WDR7: variants seen among roughly 807,000 people sequenced by gnomAD.
The protein encoded by WDR7 is WD repeat-containing protein 7.
A neutral mutation model predicts 169.4 loss-of-function variants in WDR7; 46 were observed. The observed-to-expected ratio is 0.27, with a 90% CI of 0.21 to 0.35. The LOEUF (loss-of-function observed/expected upper bound fraction) is 0.35, where lower values mean the gene tolerates loss of function less well. Ranked by LOEUF, WDR7 falls within the 10% of genes least tolerant of loss-of-function variation. The pLI is 1.00. For missense variants in WDR7, 1,534 were observed against 1,859.3 expected, an observed-to-expected ratio of 0.83 and a Z score of 3.22; for synonymous variants, 612 against 666.8, an observed-to-expected ratio of 0.92 and a Z score of 1.27.
intron 21 of WDR7, among the ~76,000 whole-genome samples, chr18:56,885,390 A>G (rs1413770875): frequency 6.6e-6 from 1 of 152,098 alleles, no homozygotes; most frequent in Non-Finnish European, 1.5e-5. Flanking sequence ...AAAAAATTAT[A>G]TAAGATATGA....
chr18:56,790,418 T>G (rs563001053), intron 19 of WDR7, among the ~76,000 whole-genome samples: 9 of 152,312 alleles, frequency 5.9e-5, no homozygotes, highest in African/African-American at 1.9e-4. Flanking sequence ...CTTGTTTTTT[T>G]GTTTGGCCTT....
intron 25 of WDR7, among the ~76,000 whole-genome samples, chr18:56,951,419 T>A (rs1417504773): frequency 6.6e-6 from 1 of 152,136 alleles, no homozygotes; most frequent in Non-Finnish European, 1.5e-5. Flanking sequence ...CTTTGTTACC[T>A]TGGCTTTCCC....
At chr18:56,926,078 A>G (rs546670402) in intron 22 of WDR7, among the ~76,000 whole-genome samples, 1 of 152,332 alleles carries the variant, frequency 6.6e-6, no homozygotes, top group East Asian at 1.9e-4. Context: ...TATTCAGCAG[A>G]TCAAGAGCTG....
chr18:57,022,869 C>T (rs933155355), intron 27 of WDR7, among the ~76,000 whole-genome samples: 2 of 152,228 alleles, frequency 1.3e-5, no homozygotes, highest in African/African-American at 4.8e-5. Flanking sequence ...TTGCCAAGCG[C>T]ACTCACATCT....
At chr18:56,788,937 G>C (rs2044443827) in intron 19 of WDR7, among the ~76,000 whole-genome samples, 1 of 152,164 alleles carries the variant, frequency 6.6e-6, no homozygotes. Context: ...GTTTGTCTAA[G>C]ACAAACTATA....
intron 20 of WDR7, among the ~76,000 whole-genome samples, chr18:56,840,463 C>T (rs377738388): frequency 8.5e-5 from 13 of 152,110 alleles, no homozygotes; most frequent in South Asian, 8.3e-4. Flanking sequence ...TAATATCAAA[C>T]TAAGTACTTA....
Position 56,879,929 on chromosome 18 carries a change from T to C in WDR7, c.3305-15T>C, listed in dbSNP as rs755869153. ...TGATTTGTTCTAAGTTGAGATTCTA[T>C]GTTTTGGTCTTCAGGTTGCTTATCA... is the stretch of plus-strand genomic sequence containing the variant. On this transcript the variant is annotated splice_polypyrimidine_tract_variant and intron_variant, in intron 20 of 27. Transcript: ENST00000254442. 6 of 1,586,760 alleles carry C rather than the reference T, an allele frequency of 3.8e-6. No homozygotes were observed. Among genetic ancestry groups the C allele is most frequent in the Non-Finnish European group, 4.3e-6 (5 of 1,156,934 alleles).
chr18:56,892,873 A>G (rs187442826), intron 21 of WDR7, among the ~76,000 whole-genome samples: 1 of 152,176 alleles, frequency 6.6e-6, no homozygotes, highest in Non-Finnish European at 1.5e-5. Context: ...AGATGAGATT[A>G]CATCATCAAG....
rs556005951 is a variant in WDR7, at chr18:56,706,272, C to T, written c.1578+9810C>T. ...CAAAGTTGACTTTTGTATGATGATT[C>T]TCTTTTTGGAGTCATTATCAATGAT... is the stretch of plus-strand genomic sequence containing the variant. On this transcript the variant is annotated intron_variant, in intron 12 of 27. Coordinates refer to ENST00000254442, the MANE Select transcript of WDR7 (RefSeq NM_015285.3). Among the ~76,000 whole-genome samples, 24 of 152,278 alleles carry T rather than the reference C, an allele frequency of 1.6e-4. 1 individual carries two copies. In the South Asian group the frequency reaches 5.0e-3, roughly 32 times the overall value.
rs779441947 is a variant in WDR7 at position 56,879,236 on chromosome 18, C to T, written c.3305-708C>T. ...AAGTAGTTGTGCCATTTTTATCATG[C>T]CCAACAACAAAGCATGAGGGTTTCC... On this transcript the variant is annotated intron_variant, in intron 20 of 27. Coordinates refer to ENST00000254442, the MANE Select transcript of WDR7 (RefSeq NM_015285.3). 1.5e-3 allele frequency among the ~76,000 whole-genome samples: 231 copies of T among 152,248 alleles called. 3 individuals are homozygous for T. The South Asian group carries it at 0.02, about 13-fold the overall frequency.
At chr18:56,952,257 G>A (rs1005461723) in intron 25 of WDR7, among the ~76,000 whole-genome samples, 10 of 152,214 alleles carry the variant, frequency 6.6e-5, no homozygotes, top group African/African-American at 2.4e-4. Flanking sequence ...GCCACACCCA[G>A]CTGTGCAGTC....
At chr18:56,714,614 A>G (rs1327736624) in intron 12 of WDR7, among the ~76,000 whole-genome samples, 3 of 151,642 alleles carry the variant, frequency 2.0e-5, no homozygotes, top group African/African-American at 7.3e-5. Flanking sequence ...GGCTCTCACC[A>G]TGTTAGCCAG....
At chr18:56,721,090 C>T (rs8090506) in intron 13 of WDR7, among the ~76,000 whole-genome samples, 5,205 of 151,772 alleles carry the variant, frequency 0.034, 298 homozygotes, top group African/African-American at 0.12. Context: ...CAGATTCAGC[C>T]AGGGTTTGAT....
At chr18:56,664,719 C>T (rs1025781182) in intron 1 of WDR7, among the ~76,000 whole-genome samples, 1 of 152,072 alleles carries the variant, frequency 6.6e-6, no homozygotes, top group Non-Finnish European at 1.5e-5. Context: ...TGCAGATATG[C>T]AGCTTACTTG....
chr18:56,774,534 G>T (rs560101086), intron 16 of WDR7, among the ~76,000 whole-genome samples: 1 of 152,120 alleles, frequency 6.6e-6, no homozygotes, highest in African/African-American at 2.4e-5. Context: ...TTTCTGTTAA[G>T]AAATCAAATG....
At chr18:56,673,160 G>GACACACACACACAC (rs36051303) in intron 2 of WDR7, among the ~76,000 whole-genome samples, 6 of 147,028 alleles carry the variant, frequency 4.1e-5, no homozygotes, top group African/African-American at 1.5e-4. Context: ...AGGAGCTGGG[G>GACACACACACACAC]ACACACACAC....
chr18:56,720,414 A>ACC (rs2026295368), intron 13 of WDR7, among the ~76,000 whole-genome samples: 1 of 152,192 alleles, frequency 6.6e-6, no homozygotes, highest in South Asian at 2.1e-4. Context: ...GCACCACTGC[A>ACC]CCCCAGCCTG....
At chr18:56,811,074 G>T (rs558419690) in intron 19 of WDR7, among the ~76,000 whole-genome samples, 2 of 152,068 alleles carry the variant, frequency 1.3e-5, no homozygotes, top group Non-Finnish European at 2.9e-5. Context: ...TTTATTTAGC[G>T]TTAAAATTGT....
At chr18:56,694,101 T>A (rs568403347) in intron 9 of WDR7, among the ~76,000 whole-genome samples, 26 of 151,906 alleles carry the variant, frequency 1.7e-4, no homozygotes, top group Non-Finnish European at 3.1e-4. Context: ...CTCTGACTCC[T>A]GGCCTCAAGC....
Sources: gnomAD v4.1 joint callset for allele counts (sites outside exome capture counted in the v4.1 genomes callset) on GRCh38, gnomAD v4.1.1 for gene constraint, MANE v1.5 for transcripts, NCBI Gene and HGNC (gene_info 2026-07-23, HGNC 2026-07-21) for gene names.